Variants in ZNF568 observed in about 807,000 individuals in gnomAD.
ZNF568 encodes zinc finger protein 568, also known as p53 inhibitor of SCO2 activation.
A neutral mutation model predicts 18.1 loss-of-function variants in ZNF568; 11 were observed. The observed-to-expected ratio is 0.61, with a 90% confidence interval of 0.38 to 1.00. The LOEUF (loss-of-function observed/expected upper bound fraction) is 1.00. Ranked by LOEUF, ZNF568 falls within the 50% of genes least tolerant of loss-of-function variation. The pLI is 0.01. For missense variants in ZNF568, 639 were observed against 768.2 expected (o/e 0.83, Z 1.99); for synonymous variants, 213 against 246.6 (o/e 0.86, Z 1.28).
chr19:36,970,465 C>G (rs1306322783), intron 6 of ZNF568, among the ~76,000 whole-genome samples: 2 of 151,944 alleles, frequency 1.3e-5, no homozygotes, highest in African/African-American at 4.8e-5. Context: ...CAGCCTCAGC[C>G]TCCCCAGTAG....
intron 6 of ZNF568, chr19:36,974,335 G>A (rs868483824): frequency 1.7e-6 from 2 of 1,175,384 alleles, no homozygotes; most frequent in South Asian, 1.4e-5. Context: ...TCAGTGCCTG[G>A]GGTGGGGCAG....
intron 4 of ZNF568, among the ~76,000 whole-genome samples, chr19:36,925,849 G>A (rs1458470708): frequency 2.6e-5 from 4 of 152,116 alleles, no homozygotes; most frequent in Non-Finnish European, 4.4e-5. Flanking sequence ...CATTGGTTAC[G>A]TACAAATCCT....
intron 3 of ZNF568, 113 bp downstream of exon 3, chr19:36,922,959 G>T: frequency 2.6e-6 from 2 of 779,024 alleles, no homozygotes; most frequent in Non-Finnish European, 2.1e-6. Context: ...TAATTGACTA[G>T]GCAGGGGAGA....
chr19:36,973,921 T>C (rs1197851280), intron 6 of ZNF568, among the ~76,000 whole-genome samples: 6 of 152,048 alleles, frequency 3.9e-5, no homozygotes, highest in Non-Finnish European at 4.4e-5. Flanking sequence ...AGGTAGTGAA[T>C]CTCTGTGAAT....
At chr19:36,997,117 G>A in exon 5 of ZNF568, 1 of 1,567,104 alleles carries the variant, frequency 6.4e-7, no homozygotes, top group African/African-American at 1.4e-5. Flanking sequence ...CCATACTGGT[G>A]AAAGACGCTA....
At chr19:36,919,398 C>T (rs1248977722) in intron 2 of ZNF568, among the ~76,000 whole-genome samples, 2 of 152,074 alleles carry the variant, frequency 1.3e-5, no homozygotes, top group African/African-American at 4.8e-5. Context: ...GCCTTTTTGG[C>T]ACCAGGGAGT....
At chr19:36,983,370 ATTTG>A (rs2074347343), downstream of ZNF568, among the ~76,000 whole-genome samples, 1 of 152,060 alleles carries the variant, frequency 6.6e-6, no homozygotes, top group Non-Finnish European at 1.5e-5. Flanking sequence ...TCTTCAGATT[ATTTG>A]TTTATTCCCT....
chr19:36,981,167 G>A (rs1182906238), downstream of ZNF568, among the ~76,000 whole-genome samples: 2 of 152,082 alleles, frequency 1.3e-5, no homozygotes, highest in East Asian at 3.9e-4. Context: ...TCTATTCTGG[G>A]CTCTCCTTTC....
chr19:36,941,768 C>T (rs2073882636), intron 6 of ZNF568, among the ~76,000 whole-genome samples: 1 of 151,864 alleles, frequency 6.6e-6, no homozygotes, highest in Non-Finnish European at 1.5e-5. Flanking sequence ...TTTCTCATGC[C>T]ATTTCTTTCC....
At chr19:36,954,021 C>T (rs538559177), downstream of ZNF568, among the ~76,000 whole-genome samples, 3 of 152,064 alleles carry the variant, frequency 2.0e-5, no homozygotes, top group African/African-American at 4.8e-5. Context: ...GTCAGGAGTT[C>T]GAGACCAGCC....
At position 36,934,953 on chromosome 19, in the gene ZNF568, T is replaced by G. The variant is rs1403052594; in HGVS notation, c.136-1793T>G. 2.6e-5 allele frequency among the ~76,000 whole-genome samples: 4 copies of G among 151,954 alleles called. No homozygotes were observed. The East Asian group carries it at 7.7e-4, about 29-fold the overall frequency. On this transcript the variant is annotated intron_variant, in intron 4 of 6. Coordinates refer to ENST00000333987, the MANE Select transcript of ZNF568 (RefSeq NM_198539.4). Reference sequence around the variant, plus strand: ...AATTTATTGAGGCTTTTTTTTTTTTTAAGAGACAGGTCTGGCTGTGTTTCC... The same window carrying G: ...AATTTATTGAGGCTTTTTTTTTTTTGAAGAGACAGGTCTGGCTGTGTTTCC...
downstream of ZNF568, among the ~76,000 whole-genome samples, chr19:36,954,572 C>CTT (rs11442560): frequency 3.8e-4 from 55 of 143,158 alleles, no homozygotes; most frequent in African/African-American, 6.5e-4. Context: ...TATGTGTAAA[C>CTT]TTTTTTTTTT....
Position 36,952,119 on chromosome 19 carries a change from T to G in ZNF568, c.*1031T>G. The stretch of plus-strand genomic sequence containing the variant: ...TATACATCCTATAGAAACTCACAAA[T>G]AATGCATAAGAAATATATATATAAT... On this transcript the variant is annotated 3_prime_UTR_variant, in exon 7 of 7. Transcript: ENST00000333987. The G allele has an allele frequency of 1.4e-6, 1 of 738,696 alleles. No individual in the cohort carries two copies. The highest frequency in any genetic ancestry group is 1.6e-6 in the Non-Finnish European group (1 of 617,038). 45.8% of individuals were successfully genotyped at this position (738,696 alleles called of 1,614,324 possible).
chr19:36,976,518 C>G (rs2074286499), intron 7 of ZNF568, among the ~76,000 whole-genome samples: 1 of 151,836 alleles, frequency 6.6e-6, no homozygotes, highest in Non-Finnish European at 1.5e-5. Context: ...TTATAAGGGC[C>G]TTATTATCAG....
At chr19:36,995,218 C>T (rs987992594) in intron 4 of ZNF568, among the ~76,000 whole-genome samples, 1 of 151,880 alleles carries the variant, frequency 6.6e-6, no homozygotes, top group Non-Finnish European at 1.5e-5. Context: ...GCCAACATGG[C>T]GAAACCCTGT....
intron 6 of ZNF568, among the ~76,000 whole-genome samples, chr19:36,965,564 A>G (rs771151766): frequency 6.6e-6 from 1 of 152,112 alleles, no homozygotes; most frequent in Non-Finnish European, 1.5e-5. Flanking sequence ...TCATTCTTAT[A>G]AGCATGGACA....
At chr19:36,986,215 C>T (rs2074375401) in intron 2 of ZNF568, among the ~76,000 whole-genome samples, 2 of 152,100 alleles carry the variant, frequency 1.3e-5, no homozygotes, top group Non-Finnish European at 2.9e-5. Flanking sequence ...GGCAGTTTTC[C>T]TAGCGGACCC....
At chr19:36,921,396 G>A (rs550728020) in intron 2 of ZNF568, among the ~76,000 whole-genome samples, 1 of 152,072 alleles carries the variant, frequency 6.6e-6, no homozygotes, top group East Asian at 1.9e-4. Flanking sequence ...AGGAGGCGGA[G>A]GTTGCAGTGA....
At chr19:36,921,188 A>T (rs1266910378) in intron 2 of ZNF568, among the ~76,000 whole-genome samples, 2 of 152,318 alleles carry the variant, frequency 1.3e-5, no homozygotes, top group Admixed American at 6.5e-5. Flanking sequence ...TCGGCCAAGC[A>T]TGGTGGCTTA....
Sources: gnomAD v4.1 joint callset for allele counts (sites outside exome capture counted in the v4.1 genomes callset) on GRCh38, gnomAD v4.1.1 for gene constraint, MANE v1.5 for transcripts, NCBI Gene and HGNC (gene_info 2026-07-23, HGNC 2026-07-21) for gene names.